Variants in DLGAP2 observed in about 807,000 individuals in gnomAD.
The protein encoded by DLGAP2 is disks large-associated protein 2.
In DLGAP2, 26 loss-of-function variants were observed where a neutral mutation model predicts 100.3. The ratio of observed to expected loss-of-function variants is 0.26; its 90% CI spans 0.19 to 0.36. DLGAP2 has a LOEUF of 0.36. Ranked by LOEUF, DLGAP2 falls within the 10% of genes least tolerant of loss-of-function variation. The pLI, the probability that DLGAP2 is intolerant of heterozygous loss-of-function variation, is 1.00. For synonymous variants in DLGAP2, 886 were observed against 630.1 expected (o/e 1.41, Z -6.08); for missense variants, 1,858 against 1,453.2 (o/e 1.28, Z -4.53).
At chr8:1,174,135 C>A (rs558971732) in intron 2 of DLGAP2, among the ~76,000 whole-genome samples, 2 of 152,044 alleles carry the variant, frequency 1.3e-5, no homozygotes, top group African/African-American at 4.8e-5. Flanking sequence ...AGATCTAAGT[C>A]GGGCTGGAAC....
At chr8:744,957 C>T (rs1382843067) in intron 1 of DLGAP2, among the ~76,000 whole-genome samples, 1 of 152,174 alleles carries the variant, frequency 6.6e-6, no homozygotes, top group Non-Finnish European at 1.5e-5. Flanking sequence ...GTCCTCAGTG[C>T]AGCAGAGATG....
chr8:790,292 T>G (rs1474516968), intron 1 of DLGAP2, among the ~76,000 whole-genome samples: 3 of 152,196 alleles, frequency 2.0e-5, no homozygotes, highest in Non-Finnish European at 4.4e-5. Flanking sequence ...AGGGTTTGCC[T>G]GGGCTGTGCA....
intron 3 of DLGAP2, among the ~76,000 whole-genome samples, chr8:1,469,098 A>G (rs1208879338): frequency 6.6e-6 from 1 of 151,836 alleles, no homozygotes; most frequent in Non-Finnish European, 1.5e-5. Flanking sequence ...CATTCATTCT[A>G]TGAAAGAAAT....
intron 3 of DLGAP2, among the ~76,000 whole-genome samples, chr8:1,473,849 A>G (rs966150540): frequency 1.3e-5 from 2 of 152,126 alleles, no homozygotes; most frequent in Non-Finnish European, 1.5e-5. Flanking sequence ...GTCTGCCACC[A>G]TGTAAGACCT....
At chr8:1,271,110 A>C (rs1203468018) in intron 3 of DLGAP2, among the ~76,000 whole-genome samples, 2 of 152,198 alleles carry the variant, frequency 1.3e-5, no homozygotes, top group African/African-American at 4.8e-5. Flanking sequence ...CAAACTAACC[A>C]TTACCAAATT....
intron 3 of DLGAP2, among the ~76,000 whole-genome samples, chr8:1,281,867 C>T (rs1485426144): frequency 6.6e-6 from 1 of 152,212 alleles, no homozygotes; most frequent in Non-Finnish European, 1.5e-5. Flanking sequence ...GGGCTTTGAT[C>T]TGCCCTGGAA....
At chr8:1,675,381 C>G (rs1485706237) in intron 10 of DLGAP2, among the ~76,000 whole-genome samples, 2 of 152,212 alleles carry the variant, frequency 1.3e-5, no homozygotes, top group Admixed American at 1.3e-4. Context: ...CTGGAAACAT[C>G]CTTGGGGTTA....
intron 2 of DLGAP2, among the ~76,000 whole-genome samples, chr8:1,223,220 C>G (rs1040367286): frequency 2.0e-5 from 3 of 152,174 alleles, no homozygotes; most frequent in Non-Finnish European, 4.4e-5. Context: ...GTCCAGGGTT[C>G]CCACCTTCCT....
At chr8:1,326,547 G>T (rs1252281769) in intron 3 of DLGAP2, among the ~76,000 whole-genome samples, 2 of 151,040 alleles carry the variant, frequency 1.3e-5, no homozygotes, top group East Asian at 3.9e-4. Flanking sequence ...TGTCTTTCAG[G>T]ACATGGCACG....
At chr8:979,978 A>G (rs1018920487) in intron 2 of DLGAP2, among the ~76,000 whole-genome samples, 2 of 152,160 alleles carry the variant, frequency 1.3e-5, no homozygotes, top group African/African-American at 2.4e-5. Flanking sequence ...TGGAGCTGCT[A>G]AGGGGAGATG....
Position 1,266,600 on chromosome 8 carries a change from C to T in DLGAP2, c.106+7717C>T, listed in dbSNP as rs151199410. 4.6e-5 allele frequency among the ~76,000 whole-genome samples: 7 copies of T among 152,304 alleles called. No individual in the cohort carries two copies. In the East Asian group the frequency reaches 1.4e-3, roughly 29 times the overall value. On this transcript the variant is annotated intron_variant, in intron 3 of 14. Transcript: ENST00000637795. ...CTTGCCCCTACTGGTCTGTCCAATG[C>T]TGTTTAACCACATATGAAATATGCA...
At chr8:1,321,109 C>CTG (rs144449421) in intron 3 of DLGAP2, among the ~76,000 whole-genome samples, 1 of 150,742 alleles carries the variant, frequency 6.6e-6, no homozygotes, top group Non-Finnish European at 1.5e-5. Context: ...CCATGTGCCT[C>CTG]TGTGTGTGTG....
intron 2 of DLGAP2, among the ~76,000 whole-genome samples, chr8:1,060,155 C>T (rs1043094970): frequency 2.0e-5 from 3 of 152,188 alleles, no homozygotes; most frequent in Non-Finnish European, 4.4e-5. Flanking sequence ...TCAGGGCGTG[C>T]GTGGCTGCAT....
At chr8:1,237,530 TCGTGTCTAGTTCTCTCACATGGCGC>T (rs1798689426) in intron 2 of DLGAP2, among the ~76,000 whole-genome samples, 1 of 121,730 alleles carries the variant, frequency 8.2e-6, no homozygotes, top group Non-Finnish European at 1.7e-5. Flanking sequence ...ACACAGAGCA[TCGTGTCTAGTTCTCTCACATGGCGC>T]CGTGTCTAGT....
intron 2 of DLGAP2, among the ~76,000 whole-genome samples, chr8:1,096,211 ACT>A (rs1369494986): frequency 6.6e-6 from 1 of 152,204 alleles, no homozygotes; most frequent in Non-Finnish European, 1.5e-5. Context: ...CCAAACCAGG[ACT>A]GTTGATTATT....
At chr8:1,168,187 C>G (rs1797057572) in intron 2 of DLGAP2, among the ~76,000 whole-genome samples, 1 of 151,720 alleles carries the variant, frequency 6.6e-6, no homozygotes, top group African/African-American at 2.4e-5. Flanking sequence ...CAATTTCATC[C>G]ATGTCCCTAG....
intron 4 of DLGAP2, among the ~76,000 whole-genome samples, chr8:1,519,095 G>A (rs1284345198): frequency 6.6e-6 from 1 of 152,178 alleles, no homozygotes; most frequent in Non-Finnish European, 1.5e-5. Context: ...TCCAGGAAGG[G>A]ATACGAAGGC....
intron 4 of DLGAP2, among the ~76,000 whole-genome samples, chr8:1,507,558 C>A (rs907713790): frequency 7.9e-5 from 12 of 152,178 alleles, no homozygotes; most frequent in Admixed American, 4.6e-4. Flanking sequence ...TCGGCCAGCC[C>A]CCAGGGCAGT....
At chr8:784,214 T>C (rs1418715256) in intron 1 of DLGAP2, among the ~76,000 whole-genome samples, 1 of 152,246 alleles carries the variant, frequency 6.6e-6, no homozygotes, top group Non-Finnish European at 1.5e-5. Flanking sequence ...TTCATCAAAA[T>C]TTATAATTAT....
Sources: allele counts gnomAD v4.1 joint callset (sites outside exome capture counted in the v4.1 genomes callset), GRCh38; gene constraint gnomAD v4.1.1; transcripts MANE v1.5; gene names NCBI Gene and HGNC (gene_info 2026-07-23, HGNC 2026-07-21).